Variants in CFAP299 observed in about 807,000 individuals in gnomAD.
The protein encoded by CFAP299 is cilia and flagella associated protein 299, also known as cilia- and flagella-associated protein 299.
A neutral mutation model predicts 27.0 loss-of-function variants in CFAP299; 21 were observed. The observed-to-expected ratio is 0.78, with a 90% CI of 0.55 to 1.12. The LOEUF (loss-of-function observed/expected upper bound fraction) is 1.12. CFAP299 is among the 50% of genes most tolerant of loss of function. CFAP299 has a pLI of 0.00. For synonymous variants in CFAP299, 104 were observed against 98.1 expected, an observed-to-expected ratio of 1.06 and a Z score of -0.36; for missense variants, 310 against 276.6, an observed-to-expected ratio of 1.12 and a Z score of -0.86.
At chr4:80,856,947 A>T (rs369890565) in intron 3 of CFAP299, among the ~76,000 whole-genome samples, 1 of 151,580 alleles carries the variant, frequency 6.6e-6, no homozygotes, top group Non-Finnish European at 1.5e-5. Context: ...GAAGAAAGTC[A>T]TTGGTAGCTT....
intron 3 of CFAP299, among the ~76,000 whole-genome samples, chr4:80,722,205 G>A (rs1722862188): frequency 6.6e-6 from 1 of 151,944 alleles, no homozygotes; most frequent in South Asian, 2.1e-4. Context: ...ATCACCTGAG[G>A]TCAGGAGTTC....
At chr4:80,590,859 G>A (rs868810684) in intron 3 of CFAP299, among the ~76,000 whole-genome samples, 1 of 152,044 alleles carries the variant, frequency 6.6e-6, no homozygotes, top group South Asian at 2.1e-4. Flanking sequence ...AAGAAAGGAG[G>A]GAGAAGAGTA....
At chr4:80,938,006 C>G (rs1736998575) in intron 4 of CFAP299, among the ~76,000 whole-genome samples, 2 of 152,172 alleles carry the variant, frequency 1.3e-5, no homozygotes, top group African/African-American at 2.4e-5. Context: ...CAAACAAATT[C>G]TACACTTTTA....
chr4:80,932,492 T>C (rs1578248383), intron 4 of CFAP299, among the ~76,000 whole-genome samples: 1 of 152,280 alleles, frequency 6.6e-6, no homozygotes, highest in Admixed American at 6.5e-5. Context: ...ACAGAATGTA[T>C]TATTACTTGA....
chr4:80,897,885 G>A (rs539284723), intron 4 of CFAP299, among the ~76,000 whole-genome samples: 46 of 152,160 alleles, frequency 3.0e-4, no homozygotes, highest in Non-Finnish European at 6.3e-4. Context: ...CTCTTCACGG[G>A]CCTCACAACA....
chr4:80,587,790 C>T (rs1736524020), intron 3 of CFAP299, among the ~76,000 whole-genome samples: 1 of 152,128 alleles, frequency 6.6e-6, no homozygotes, highest in African/African-American at 2.4e-5. Flanking sequence ...CAGGGTTTCC[C>T]TATTTTGCCC....
chr4:80,558,947 A>G (rs1734912504), intron 2 of CFAP299, among the ~76,000 whole-genome samples: 1 of 152,134 alleles, frequency 6.6e-6, no homozygotes, highest in South Asian at 2.1e-4. Flanking sequence ...AAAAATCATA[A>G]TCATTTCTAT....
intron 3 of CFAP299, among the ~76,000 whole-genome samples, chr4:80,710,498 TTTAA>T (rs77063914): frequency 9.2e-6 from 1 of 109,098 alleles, no homozygotes; most frequent in Non-Finnish European, 2.1e-5. Flanking sequence ...TTTTTTTTTT[TTTAA>T]AAAAAAAAAG....
chr4:80,803,928 C>G (rs1392198728), intron 3 of CFAP299, among the ~76,000 whole-genome samples: 1 of 151,752 alleles, frequency 6.6e-6, no homozygotes, highest in African/African-American at 2.4e-5. Context: ...AAATTTATAC[C>G]TTAAGGTTCT....
chr4:80,454,480 T>A (rs1172771523), intron 2 of CFAP299, among the ~76,000 whole-genome samples: 1 of 151,880 alleles, frequency 6.6e-6, no homozygotes, highest in Non-Finnish European at 1.5e-5. Flanking sequence ...AATATAGGAG[T>A]CCTTGGGCAT....
At chr4:80,826,500 A>G (rs1729996044) in intron 3 of CFAP299, among the ~76,000 whole-genome samples, 1 of 151,848 alleles carries the variant, frequency 6.6e-6, no homozygotes, top group Admixed American at 6.6e-5. Context: ...AAGGTTTAAT[A>G]TAGCAAGAAT....
intron 3 of CFAP299, among the ~76,000 whole-genome samples, chr4:80,653,617 A>G (rs528096715): frequency 1.3e-5 from 2 of 152,264 alleles, no homozygotes; most frequent in South Asian, 4.1e-4. Flanking sequence ...TGAAAAAAAC[A>G]TATTAGCACT....
chr4:80,454,456 A>T (rs1729052571), intron 2 of CFAP299, among the ~76,000 whole-genome samples: 1 of 152,110 alleles, frequency 6.6e-6, no homozygotes, highest in Admixed American at 6.5e-5. Flanking sequence ...CAGAGCAAAT[A>T]CCTCAAATTC....
intron 3 of CFAP299, among the ~76,000 whole-genome samples, chr4:80,747,422 G>T (rs1724685481): frequency 6.6e-6 from 1 of 152,036 alleles, no homozygotes; most frequent in Admixed American, 6.6e-5. Context: ...CCAACTTTGT[G>T]TATGCAGTTC....
chr4:80,893,905 A>T (rs529062358), intron 4 of CFAP299, among the ~76,000 whole-genome samples: 7 of 152,158 alleles, frequency 4.6e-5, no homozygotes, highest in African/African-American at 1.7e-4. Context: ...CAAACGAAAC[A>T]ATCAGCAGAA....
chr4:80,672,449 A>G (rs1741540450), intron 3 of CFAP299, among the ~76,000 whole-genome samples: 1 of 152,180 alleles, frequency 6.6e-6, no homozygotes, highest in Non-Finnish European at 1.5e-5. Context: ...CATCAGGGAT[A>G]TTGGTCTAAA....
chr4:80,515,431 A>G (rs913978841), intron 2 of CFAP299, among the ~76,000 whole-genome samples: 1 of 152,194 alleles, frequency 6.6e-6, no homozygotes, highest in East Asian at 1.9e-4. Flanking sequence ...TTGTCTCTGT[A>G]GGCACAATCT....
intron 2 of CFAP299, among the ~76,000 whole-genome samples, chr4:80,395,015 A>G (rs1189650595): frequency 6.6e-6 from 1 of 152,070 alleles, no homozygotes; most frequent in Non-Finnish European, 1.5e-5. Context: ...TAAGTTGGAA[A>G]ATATGCACAT....
intron 4 of CFAP299, among the ~76,000 whole-genome samples, chr4:80,909,572 T>A (rs1163402984): frequency 6.6e-6 from 1 of 152,000 alleles, no homozygotes; most frequent in Non-Finnish European, 1.5e-5. Flanking sequence ...TTACTGTGAA[T>A]CTTTCTAATA....
Sources: gnomAD v4.1 joint callset for allele counts (sites outside exome capture counted in the v4.1 genomes callset) on GRCh38, gnomAD v4.1.1 for gene constraint, MANE v1.5 for transcripts, NCBI Gene and HGNC (gene_info 2026-07-23, HGNC 2026-07-21) for gene names.